ADCY10: variants seen among roughly 807,000 people sequenced by gnomAD.
ADCY10 encodes the protein adenylate cyclase 10, also known as adenylate cyclase type 10.
In ADCY10, 156 loss-of-function variants were observed where a neutral mutation model predicts 183.3. The ratio of observed to expected loss-of-function variants is 0.85; its 90% CI spans 0.75 to 0.97. The LOEUF (loss-of-function observed/expected upper bound fraction) is 0.97, where lower values mean the gene tolerates loss of function less well. ADCY10 is among the 50% of genes least tolerant of loss of function. ADCY10 has a pLI of 0.00. For synonymous variants in ADCY10, 645 were observed against 670.0 expected, an observed-to-expected ratio of 0.96 and a Z score of 0.58; for missense variants, 1,745 against 1,934.3, an observed-to-expected ratio of 0.90 and a Z score of 1.84.
At chr1:167,846,930 CTTT>C (rs773821027) in intron 19 of ADCY10, among the ~76,000 whole-genome samples, 1 of 145,292 alleles carries the variant, frequency 6.9e-6, no homozygotes, top group Admixed American at 6.9e-5. Flanking sequence ...AGTCCATCCT[CTTT>C]TTTTTTTTTT....
chr1:167,826,909 G>A (rs1292849409), intron 26 of ADCY10, among the ~76,000 whole-genome samples: 1 of 152,186 alleles, frequency 6.6e-6, no homozygotes, highest in African/African-American at 2.4e-5. Context: ...GACCAATATG[G>A]CTGGGCTTGT....
At chr1:167,908,520 C>A (rs1022274413) in intron 1 of ADCY10, among the ~76,000 whole-genome samples, 1 of 152,116 alleles carries the variant, frequency 6.6e-6, no homozygotes, top group Non-Finnish European at 1.5e-5. Flanking sequence ...GTATTATATA[C>A]TTCAAAATGG....
At chr1:167,909,368 A>G (rs542009542) in intron 1 of ADCY10, among the ~76,000 whole-genome samples, 2 of 152,224 alleles carry the variant, frequency 1.3e-5, no homozygotes, top group South Asian at 4.1e-4. Context: ...TGGTGAAAAG[A>G]TGTATGCATT....
intron 18 of ADCY10, among the ~76,000 whole-genome samples, chr1:167,851,026 C>T (rs1665441248): frequency 6.6e-6 from 1 of 152,118 alleles, no homozygotes; most frequent in Non-Finnish European, 1.5e-5. Flanking sequence ...TACTCAGGTT[C>T]GCCTGTTGTC....
intron 1 of ADCY10, among the ~76,000 whole-genome samples, chr1:167,913,133 GGGTACTGACAAAGCGC>G (rs1163283725): frequency 6.6e-6 from 1 of 152,152 alleles, no homozygotes; most frequent in African/African-American, 2.4e-5. Context: ...TGAACAGCAT[GGGTACTGACAAAGCGC>G]GGAAGCACCT....
chr1:167,864,453 T>TAACCTGTAAGCCAAGGC lies in ADCY10; in HGVS notation c.1617-3407_1617-3391dup. Among the ~76,000 whole-genome samples the TAACCTGTAAGCCAAGGC allele has an allele frequency of 2.6e-5, 4 of 152,212 alleles. No homozygotes were observed. In the East Asian group the frequency reaches 7.7e-4, roughly 29 times the overall value. ...CTTGTTTCAAATGTATGGCACAAGG[T>TAACCTGTAAGCCAAGGC]AACCTGTAAGCCAAGGCACACAGAC... On this transcript the variant is annotated intron_variant, in intron 14 of 32. Transcript: ENST00000367851.
chr1:167,827,182 T>TC (rs1663355411), intron 26 of ADCY10, among the ~76,000 whole-genome samples: 2 of 151,678 alleles, frequency 1.3e-5, no homozygotes, highest in East Asian at 3.9e-4. Flanking sequence ...TTTTTTTTTT[T>TC]CCTGAGATGG....
intron 30 of ADCY10, among the ~76,000 whole-genome samples, chr1:167,819,090 A>AT (rs113446012): frequency 1.2e-4 from 18 of 149,872 alleles, no homozygotes; most frequent in African/African-American, 2.2e-4. Context: ...TCTCCAGGTG[A>AT]TTTTTTTTTT....
At chr1:167,851,716 CG>C (rs1336684743) in intron 18 of ADCY10, among the ~76,000 whole-genome samples, 3 of 151,476 alleles carry the variant, frequency 2.0e-5, no homozygotes, top group South Asian at 4.2e-4. Context: ...CCCAGATACT[CG>C]GGAGGCTGAG....
At chr1:167,865,770 C>T (rs1358374372) in intron 14 of ADCY10, among the ~76,000 whole-genome samples, 1 of 152,218 alleles carries the variant, frequency 6.6e-6, no homozygotes, top group African/African-American at 2.4e-5. Flanking sequence ...TCCATCTGCA[C>T]ATTAAACAAA....
At chr1:167,883,329 C>G in intron 9 of ADCY10, 108 bp downstream of exon 9, 1 of 1,295,210 alleles carries the variant, frequency 7.7e-7, no homozygotes, top group South Asian at 1.2e-5. Flanking sequence ...TGAGCCACCA[C>G]GCCCAGCCTC....
chr1:167,835,620 G>T (rs1050356883), intron 23 of ADCY10, among the ~76,000 whole-genome samples: 1 of 152,170 alleles, frequency 6.6e-6, no homozygotes. Context: ...TGGGCACAGT[G>T]GCTCACACTT....
Position 167,833,971 on chromosome 1 carries a change from T to C in ADCY10, c.3416A>G (p.Glu1139Gly). Residue 1139 changes from glutamate to glycine, a missense_variant and splice_region_variant, in exon 24 of 33, where the codon GAG becomes GGG. Transcript: ENST00000367851. ...ESATFYSLKG[E>G]VCFNMGQIVL... ...TTCAAGTCTTTAATGGTTTCTTACC[T>C]CACCTTTGAGGCTGTAAAAGGTGGC... 1 of 1,612,104 alleles carries C rather than the reference T, an allele frequency of 6.2e-7. No individual in the cohort carries two copies. The highest frequency in any genetic ancestry group is 8.5e-7 in the Non-Finnish European group (1 of 1,178,232).
In ADCY10 at chr1:167,903,212, T is replaced by A. The variant is rs184437082; in HGVS notation, c.253+675A>T. On this transcript the variant is annotated intron_variant, in intron 3 of 32. Coordinates refer to ENST00000367851, the MANE Select transcript of ADCY10 (RefSeq NM_018417.6). Reference sequence around the variant, plus strand: ...CAGAGGCTGCAGTGAGCTGAGATCGTGCCACTGCACTCCAGCCTGGGAGAC... The same window carrying A: ...CAGAGGCTGCAGTGAGCTGAGATCGAGCCACTGCACTCCAGCCTGGGAGAC... Among the ~76,000 whole-genome samples, 70 of 151,854 alleles carry A rather than the reference T, an allele frequency of 4.6e-4. No individual in the cohort carries two copies. The East Asian group carries it at 9.5e-3, about 21-fold the overall frequency.
At chr1:167,852,710 C>T (rs540201129) in intron 18 of ADCY10, among the ~76,000 whole-genome samples, 38 of 151,178 alleles carry the variant, frequency 2.5e-4, no homozygotes, top group Admixed American at 9.9e-4. Flanking sequence ...ATTTTTTCAT[C>T]ACAATCATCC....
chr1:167,898,107 T>C (rs991981351), intron 6 of ADCY10, among the ~76,000 whole-genome samples: 1 of 150,678 alleles, frequency 6.6e-6, no homozygotes, highest in Non-Finnish European at 1.5e-5. Context: ...CTGGTGACAT[T>C]CAAATAAGGT....
At chr1:167,829,534 C>A (rs1663563845) in intron 25 of ADCY10, 111 bp from the exon 26 acceptor site, 1 of 1,295,106 alleles carries the variant, frequency 7.7e-7, no homozygotes, top group South Asian at 1.2e-5. Flanking sequence ...TCAAAACTGA[C>A]TTGAATTTGA....
At chr1:167,886,359 A>G (rs980879954) in intron 8 of ADCY10, among the ~76,000 whole-genome samples, 5 of 152,208 alleles carry the variant, frequency 3.3e-5, no homozygotes, top group African/African-American at 1.2e-4. Context: ...AATATAGACC[A>G]ATGGAATGGA....
intron 29 of ADCY10, 87 bp from the exon 30 acceptor site, chr1:167,822,228 T>C: frequency 1.1e-6 from 1 of 915,182 alleles, no homozygotes. Context: ...AATTTCCCAC[T>C]GCAGGGAGAG....
Sources: allele counts gnomAD v4.1 joint callset (sites outside exome capture counted in the v4.1 genomes callset), GRCh38; gene constraint gnomAD v4.1.1; transcripts MANE v1.5; gene names NCBI Gene and HGNC (gene_info 2026-07-23, HGNC 2026-07-21).